Variants in B4GALT5 observed in about 807,000 individuals in gnomAD.
The protein encoded by B4GALT5 is beta-1,4-galactosyltransferase 5, also known as UDP-Gal:beta-GlcNAc beta-1,4-galactosyltransferase 5.
B4GALT5 carries 11 observed loss-of-function variants against 45.0 expected under a neutral mutation model. That is an observed-to-expected ratio of 0.24 (90% CI 0.15 to 0.40). The LOEUF (loss-of-function observed/expected upper bound fraction) is 0.40, where lower values mean the gene tolerates loss of function less well. B4GALT5 is among the 10% of genes least tolerant of loss of function. The pLI is 1.00. For synonymous variants in B4GALT5, 185 were observed against 182.9 expected (o/e 1.01, Z -0.09); for missense variants, 337 against 500.2 (o/e 0.67, Z 3.11).
At chr20:49,685,218 G>A (rs1340630294) in intron 1 of B4GALT5, among the ~76,000 whole-genome samples, 2 of 152,130 alleles carry the variant, frequency 1.3e-5, no homozygotes, top group Non-Finnish European at 2.9e-5. Context: ...TTTAAAGGCA[G>A]ACATGACTAA....
intron 1 of B4GALT5, among the ~76,000 whole-genome samples, chr20:49,691,109 G>A (rs1001317600): frequency 7.9e-5 from 12 of 152,260 alleles, no homozygotes; most frequent in African/African-American, 2.9e-4. Context: ...TTCCTGGAGG[G>A]TTAAGTAATT....
chr20:49,709,140 T>G (rs2085897177), intron 1 of B4GALT5, among the ~76,000 whole-genome samples: 1 of 152,184 alleles, frequency 6.6e-6, no homozygotes, highest in Admixed American at 6.5e-5. Flanking sequence ...TGTTATCTTT[T>G]AAAAGACCTG....
intron 1 of B4GALT5, among the ~76,000 whole-genome samples, chr20:49,665,592 C>T (rs1054543417): frequency 1.3e-5 from 2 of 150,980 alleles, no homozygotes; most frequent in Non-Finnish European, 2.9e-5. Context: ...GACATACATT[C>T]ATTCAACACT....
rs2085676305 is a variant in B4GALT5 at position 49,663,693 on chromosome 20, ATATACATATATAT to A, written c.116-7004_116-6992del. Among the ~76,000 whole-genome samples the A allele has an allele frequency of 1.0e-3, 54 of 52,276 alleles. 3 individuals are homozygous for A. The highest frequency in any genetic ancestry group is 7.0e-3 in the South Asian group (14 of 2,008). 34.3% of individuals were successfully genotyped at this position (52,276 alleles called of 152,430 possible). On this transcript the variant is annotated intron_variant, in intron 1 of 8. Transcript: ENST00000371711. Reference sequence around the variant, plus strand: ...ATCTCAAGAAAAAAAAAAAAAAAATATATACATATATATATATATATATATATATATATATGAA... The same window carrying A: ...ATCTCAAGAAAAAAAAAAAAAAAATAATATATATATATATATATATATGAA...
At chr20:49,658,691 C>T (rs548581989) in intron 1 of B4GALT5, among the ~76,000 whole-genome samples, 1 of 152,198 alleles carries the variant, frequency 6.6e-6, no homozygotes, top group East Asian at 1.9e-4. Context: ...TAATGTTTCC[C>T]ACCCATCCCC....
chr20:49,641,050 G>A (rs1236879117), intron 5 of B4GALT5, among the ~76,000 whole-genome samples: 4 of 152,188 alleles, frequency 2.6e-5, no homozygotes, highest in Admixed American at 6.5e-5. Context: ...GGGAGGCGGA[G>A]GCTGCAGTGA....
At chr20:49,663,705 A>G (rs71336598) in intron 1 of B4GALT5, among the ~76,000 whole-genome samples, 1 of 106,758 alleles carries the variant, frequency 9.4e-6, no homozygotes, top group African/African-American at 3.4e-5. Flanking sequence ...ATACATATAT[A>G]TATATATATA....
rs746894463 is a variant in B4GALT5, at chr20:49,643,576, T to C, written c.439A>G (p.Ile147Val). The change falls in exon 4 of 9, where the codon ATC becomes GTC. Residue 147 changes from isoleucine (I) to valine (V), a missense_variant. Physicochemically the swap from Ile to Val is conservative, Grantham distance 29. Coordinates refer to ENST00000371711, the MANE Select transcript of B4GALT5 (RefSeq NM_004776.4). The part of the protein sequence containing the change: ...IHELFSKDPT[I>V]KLGGHWKPSD... ...GGCTTCCAGTGACCTCCGAGCTTGA[T>C]GGTTGGGTCTTTGGAGAAGAGTTCA... 7 of 1,613,760 alleles carry C rather than the reference T, an allele frequency of 4.3e-6. No homozygotes were observed. The highest frequency in any genetic ancestry group is 1.6e-4 in the Middle Eastern group (1 of 6,084).
chr20:49,664,654 T>TA (rs1236459587), intron 1 of B4GALT5, among the ~76,000 whole-genome samples: 1 of 152,176 alleles, frequency 6.6e-6, no homozygotes, highest in Non-Finnish European at 1.5e-5. Context: ...TGAGAAAAAT[T>TA]AAACATGGAA....
At chr20:49,646,314 G>A (rs947752140) in intron 3 of B4GALT5, among the ~76,000 whole-genome samples, 4 of 152,110 alleles carry the variant, frequency 2.6e-5, no homozygotes, top group African/African-American at 9.7e-5. Flanking sequence ...AGGCCTTCAC[G>A]TTCACATTCA....
chr20:49,670,756 G>C (rs771942323), intron 1 of B4GALT5, among the ~76,000 whole-genome samples: 1 of 152,148 alleles, frequency 6.6e-6, no homozygotes, highest in Non-Finnish European at 1.5e-5. Context: ...CCAACATTCA[G>C]AGGCTTTGGT....
At chr20:49,646,909 G>A (rs1218176332) in intron 3 of B4GALT5, 56 bp downstream of exon 3, 2 of 1,065,024 alleles carry the variant, frequency 1.9e-6, no homozygotes, top group Non-Finnish European at 2.8e-6. Flanking sequence ...GATCAAGAGT[G>A]CCCTCCCCTT....
At chr20:49,638,116 TCAATTAGTCCTCC>T (rs2085561613) in intron 7 of B4GALT5, among the ~76,000 whole-genome samples, 1 of 151,900 alleles carries the variant, frequency 6.6e-6, no homozygotes, top group South Asian at 2.1e-4. Flanking sequence ...TCTCCCAGGC[TCAATTAGTCCTCC>T]CATCTCAGCC....
At chr20:49,682,180 TA>T (rs2085766837) in intron 1 of B4GALT5, among the ~76,000 whole-genome samples, 1 of 152,202 alleles carries the variant, frequency 6.6e-6, no homozygotes. Context: ...TGGCTTACAC[TA>T]AACCAGGAGT....
At chr20:49,697,903 A>G (rs1410034885) in intron 1 of B4GALT5, among the ~76,000 whole-genome samples, 4 of 152,202 alleles carry the variant, frequency 2.6e-5, no homozygotes, top group Non-Finnish European at 5.9e-5. Flanking sequence ...TTCTTTTAGC[A>G]AAGTCTGACT....
chr20:49,634,559 A>T lies in B4GALT5; in HGVS notation c.*1753T>A, dbSNP rs952892339. 3 of 152,162 alleles carry T rather than the reference A, an allele frequency of 2.0e-5. No homozygotes were observed. The highest frequency in any genetic ancestry group is 7.2e-5 in the African/African-American group (3 of 41,434). The allele number at this position is 152,162 out of a possible 1,614,324, so 9.4% of individuals were successfully genotyped here. On this transcript the variant is annotated 3_prime_UTR_variant, in exon 9 of 9. Transcript: ENST00000371711. Reference sequence around the variant, plus strand: ...ACAAAGAGGCACAAATTCAAATACAATTTAGAACATGACTTCAAGGCTGGG... The same window carrying T: ...ACAAAGAGGCACAAATTCAAATACATTTTAGAACATGACTTCAAGGCTGGG...
At chr20:49,656,390 T>C (rs1410710371) in intron 2 of B4GALT5, among the ~76,000 whole-genome samples, 178 bp downstream of exon 2, 4 of 152,250 alleles carry the variant, frequency 2.6e-5, no homozygotes, top group Non-Finnish European at 4.4e-5. Flanking sequence ...CTGAGTCATA[T>C]TGTTAACAAA....
intron 1 of B4GALT5, among the ~76,000 whole-genome samples, chr20:49,663,282 A>C (rs191815367): frequency 7.9e-5 from 12 of 152,280 alleles, no homozygotes; most frequent in African/African-American, 2.9e-4. Context: ...TCATTTTCTA[A>C]ACATTCACCA....
At chr20:49,638,396 GGAA>G (rs2085562751) in intron 7 of B4GALT5, among the ~76,000 whole-genome samples, 1 of 152,154 alleles carries the variant, frequency 6.6e-6, no homozygotes, top group Non-Finnish European at 1.5e-5. Context: ...AAGCTACAAA[GGAA>G]ACAGATACCA....
Sources: gnomAD v4.1 joint callset for allele counts (sites outside exome capture counted in the v4.1 genomes callset) on GRCh38, gnomAD v4.1.1 for gene constraint, MANE v1.5 for transcripts, NCBI Gene and HGNC (gene_info 2026-07-23, HGNC 2026-07-21) for gene names.